RSRC1: variants seen among roughly 807,000 people sequenced by gnomAD.
RSRC1 encodes the protein serine/Arginine-related protein 53.
Under a neutral mutation model 49.1 loss-of-function variants are expected in RSRC1, and 39 were observed. That is an observed-to-expected ratio of 0.79 (90% CI 0.61 to 1.04). The LOEUF (loss-of-function observed/expected upper bound fraction) is 1.04, where lower values mean the gene tolerates loss of function less well. Ranked by LOEUF, RSRC1 falls within the 50% of genes least tolerant of loss-of-function variation. RSRC1 has a pLI of 0.00. For synonymous variants in RSRC1, 143 were observed against 130.8 expected, an observed-to-expected ratio of 1.09 and a Z score of -0.63; for missense variants, 388 against 402.4, an observed-to-expected ratio of 0.96 and a Z score of 0.31.
intron 6 of RSRC1, among the ~76,000 whole-genome samples, chr3:158,365,956 A>G (rs1284271141): frequency 1.3e-5 from 2 of 152,028 alleles, no homozygotes; most frequent in African/African-American, 4.8e-5. Flanking sequence ...TTCTTTTGAG[A>G]AGTGTCTGTT....
At chr3:158,535,976 A>G (rs1712689841) in intron 7 of RSRC1, among the ~76,000 whole-genome samples, 1 of 151,480 alleles carries the variant, frequency 6.6e-6, no homozygotes, top group South Asian at 2.1e-4. Context: ...ATGATAGAGT[A>G]TCACCATTTT....
At chr3:158,430,099 A>AATAAG (rs1349445451) in intron 6 of RSRC1, among the ~76,000 whole-genome samples, 5 of 151,832 alleles carry the variant, frequency 3.3e-5, no homozygotes, top group Non-Finnish European at 7.4e-5. Flanking sequence ...AATAAAATAA[A>AATAAG]ATAAAATAAC....
intron 5 of RSRC1, among the ~76,000 whole-genome samples, chr3:158,339,775 A>C (rs1413498045): frequency 6.6e-6 from 1 of 152,234 alleles, no homozygotes; most frequent in Non-Finnish European, 1.5e-5. Flanking sequence ...TGCTTTCAAA[A>C]AGCTGATAGC....
chr3:158,404,728 T>G lies in RSRC1; in HGVS notation c.583+49820T>G, dbSNP rs1409653251. Reference sequence around the variant, plus strand: ...CTGAAGTTATGTTGAAAGAAAAATTTACTGAAGTATAGCAAGGATATAAAG... The same window carrying G: ...CTGAAGTTATGTTGAAAGAAAAATTGACTGAAGTATAGCAAGGATATAAAG... On this transcript the variant is annotated intron_variant, in intron 6 of 9. Transcript: ENST00000611884. Among the ~76,000 whole-genome samples the G allele has an allele frequency of 2.6e-5, 4 of 152,030 alleles. 1 individual carries two copies. Among genetic ancestry groups the G allele is most frequent in the African/African-American group, 9.6e-5 (4 of 41,452 alleles).
chr3:158,522,729 A>T (rs1431831872), intron 7 of RSRC1, among the ~76,000 whole-genome samples: 4 of 151,744 alleles, frequency 2.6e-5, no homozygotes, highest in African/African-American at 9.7e-5. Context: ...TCCATGCTTC[A>T]TTTTTTTTCC....
At chr3:158,445,149 A>G (rs1736627400) in intron 6 of RSRC1, among the ~76,000 whole-genome samples, 1 of 152,202 alleles carries the variant, frequency 6.6e-6, no homozygotes, top group African/African-American at 2.4e-5. Context: ...CCATCCCATT[A>G]CTGGGTGTAT....
intron 3 of RSRC1, among the ~76,000 whole-genome samples, chr3:158,139,549 T>TTG (rs1278303221): frequency 6.6e-6 from 1 of 152,208 alleles, no homozygotes; most frequent in African/African-American, 2.4e-5. Context: ...CAGTAACTTC[T>TTG]TGTGTGTGTT....
At chr3:158,202,907 A>C (rs1553768475) in intron 3 of RSRC1, among the ~76,000 whole-genome samples, 165 bp from the exon 4 acceptor site, 1 of 152,084 alleles carries the variant, frequency 6.6e-6, no homozygotes, top group Non-Finnish European at 1.5e-5. Context: ...AAGTGAGAGC[A>C]TTTACTTATA....
At chr3:158,403,191 A>G (rs1002756799) in intron 6 of RSRC1, among the ~76,000 whole-genome samples, 6 of 151,862 alleles carry the variant, frequency 4.0e-5, no homozygotes, top group Non-Finnish European at 5.9e-5. Flanking sequence ...GCAAAAACTC[A>G]TTCTGAGAGG....
At chr3:158,421,021 CG>C (rs1735016044) in intron 6 of RSRC1, among the ~76,000 whole-genome samples, 2 of 151,902 alleles carry the variant, frequency 1.3e-5, no homozygotes, top group African/African-American at 2.4e-5. Flanking sequence ...AATATTCATT[CG>C]TTTTTTTTCT....
At chr3:158,301,447 TA>T (rs1050528263) in intron 5 of RSRC1, among the ~76,000 whole-genome samples, 66 of 152,258 alleles carry the variant, frequency 4.3e-4, no homozygotes, top group African/African-American at 1.5e-3. Context: ...TTTTATTAAA[TA>T]GGTTATTGTT....
intron 3 of RSRC1, among the ~76,000 whole-genome samples, chr3:158,158,390 T>C (rs1718008007): frequency 1.3e-5 from 2 of 152,214 alleles, no homozygotes; most frequent in Non-Finnish European, 1.5e-5. Context: ...GTGGAACTAT[T>C]ACTGTGTGTA....
rs1157702333 is a variant in RSRC1, at chr3:158,539,948, A to G, written c.759+2750A>G. Among the ~76,000 whole-genome samples the G allele has an allele frequency of 1.3e-5, 2 of 152,166 alleles. No individual in the cohort carries two copies. Among genetic ancestry groups the G allele is most frequent in the African/African-American group, 4.8e-5 (2 of 41,434 alleles). ...GGTATCCACATCTTTGATAACTAGA[A>G]TAATAGCACTGCACATATTTTTAAG... On this transcript the variant is annotated intron_variant, in intron 8 of 9. Coordinates refer to ENST00000611884, the MANE Select transcript of RSRC1 (RefSeq NM_001271838.2). This position sits in a 1 kb window ranked among gnomAD's most constrained non-coding sequence, Gnocchi z 4.1.
intron 3 of RSRC1, among the ~76,000 whole-genome samples, chr3:158,163,438 A>AC (rs1192061033): frequency 1.3e-5 from 2 of 152,208 alleles, no homozygotes; most frequent in Non-Finnish European, 2.9e-5. Flanking sequence ...GCTCTGGGCT[A>AC]CTAAGTCAGG....
At chr3:158,351,251 T>G (rs1388029669) in intron 5 of RSRC1, among the ~76,000 whole-genome samples, 1 of 152,142 alleles carries the variant, frequency 6.6e-6, no homozygotes, top group East Asian at 1.9e-4. Context: ...ACGAAAGATT[T>G]GAGGAGCAGG....
chr3:158,116,945 C>G (rs1336093241), intron 1 of RSRC1, among the ~76,000 whole-genome samples: 2 of 152,012 alleles, frequency 1.3e-5, no homozygotes, highest in East Asian at 3.9e-4. Flanking sequence ...TGATACTCTT[C>G]TTTTCATGGA....
chr3:158,231,688 C>T (rs1227036100), intron 4 of RSRC1, among the ~76,000 whole-genome samples: 1 of 152,008 alleles, frequency 6.6e-6, no homozygotes, highest in Non-Finnish European at 1.5e-5. Context: ...ATCAAAGCAA[C>T]AAGCAGTAAT....
At chr3:158,401,674 AT>A (rs1469562582) in intron 6 of RSRC1, among the ~76,000 whole-genome samples, 2 of 151,994 alleles carry the variant, frequency 1.3e-5, no homozygotes, top group Non-Finnish European at 2.9e-5. Context: ...ATCACTTTAG[AT>A]TTCCATTCAG....
chr3:158,354,035 A>C (rs1374786833), intron 5 of RSRC1, among the ~76,000 whole-genome samples: 3 of 103,000 alleles, frequency 2.9e-5, no homozygotes, highest in East Asian at 2.7e-4. Context: ...GTCTTGCTCT[A>C]TTGCCAGGCT....
Sources: allele counts gnomAD v4.1 joint callset (sites outside exome capture counted in the v4.1 genomes callset), GRCh38; gene constraint gnomAD v4.1.1; non-coding constraint Gnocchi (gnomAD v3.1); transcripts MANE v1.5; gene names NCBI Gene and HGNC (gene_info 2026-07-23, HGNC 2026-07-21).